The following CHD1L variants were observed in gnomAD, a reference collection of about 807,000 sequenced individuals.
CHD1L encodes chromodomain helicase DNA binding protein 1 like.
A neutral mutation model predicts 115.9 loss-of-function variants in CHD1L; 118 were observed. The observed-to-expected ratio is 1.02, with a 90% CI of 0.88 to 1.19. CHD1L has a LOEUF of 1.19. Among genes scored for constraint, CHD1L ranks in the 50% most tolerant of loss-of-function variants. The pLI is 0.00. For synonymous variants in CHD1L, 411 were observed against 387.1 expected, an observed-to-expected ratio of 1.06 and a Z score of -0.72; for missense variants, 1,179 against 1,065.3, an observed-to-expected ratio of 1.11 and a Z score of -1.49.
chr1:147,207,103 G>A, the CHD1L span, among the ~76,000 whole-genome samples: 1 of 152,016 alleles, frequency 6.6e-6, no homozygotes, highest in South Asian at 2.1e-4. Context: ...TTTTATCAAT[G>A]TTAAATTTCC....
Position 147,270,959 on chromosome 1 carries a change from A to G in CHD1L, c.1113A>G (p.Gln371=). 1 of 1,614,078 alleles carries G rather than the reference A, an allele frequency of 6.2e-7. No individual in the cohort carries two copies. The highest frequency in any genetic ancestry group is 8.5e-7 in the Non-Finnish European group (1 of 1,179,982). The part of the protein sequence containing the change: ...SGGHRVLLFS[Q]MTQMLDILQD... ...GCCATCGGGTTTTACTTTTCTCCCA[A>G]ATGACCCAGATGTTGGATATTCTCC... The change falls in exon 11 of 23, where the codon CAA becomes CAG. Residue 371 remains glutamine, a synonymous_variant. Transcript: ENST00000369258.
chr1:147,176,050 G>C, the CHD1L span: 1 of 151,942 alleles, frequency 6.6e-6, no homozygotes, highest in Non-Finnish European at 1.5e-5. Flanking sequence ...TGGAGTTATT[G>C]ATACTTACCA....
the CHD1L span, chr1:147,211,440 A>G: frequency 2.0e-5 from 3 of 152,306 alleles, no homozygotes; most frequent in South Asian, 6.2e-4. Context: ...ATCATATGAA[A>G]TAATTTTTGT....
chr1:147,284,560 A>AC (rs1682303907), intron 16 of CHD1L, 61 bp downstream of exon 16: 12 of 1,418,170 alleles, frequency 8.5e-6, no homozygotes, highest in South Asian at 1.5e-5. Context: ...AAACAAACAA[A>AC]AAAATGATGC....
chr1:147,284,324 TTCTC>T, intron 15 of CHD1L, 23 bp from the exon 16 acceptor site: 5 of 1,518,154 alleles, frequency 3.3e-6, no homozygotes, highest in Non-Finnish European at 4.4e-6. Context: ...TATCTAACAT[TTCTC>T]TCTTTGTGTT....
the CHD1L span, chr1:147,215,068 C>A: frequency 6.6e-6 from 1 of 152,028 alleles, no homozygotes; most frequent in African/African-American, 2.4e-5. Flanking sequence ...CCATAAAATT[C>A]TTTTATGGTC....
the CHD1L span, among the ~76,000 whole-genome samples, chr1:147,199,722 C>T: frequency 3.8e-4 from 58 of 152,138 alleles, no homozygotes; most frequent in Non-Finnish European, 7.6e-4. Flanking sequence ...TTGCGTTTGA[C>T]TACTTGTATA....
chr1:147,276,504 T>G (rs1161183360), intron 14 of CHD1L, among the ~76,000 whole-genome samples: 5 of 152,194 alleles, frequency 3.3e-5, no homozygotes, highest in African/African-American at 1.2e-4. Flanking sequence ...CTACTCTTTT[T>G]GCATTTCTAA....
At chr1:147,273,407 G>T (rs587772186) in intron 12 of CHD1L, among the ~76,000 whole-genome samples, 1 of 152,280 alleles carries the variant, frequency 6.6e-6, no homozygotes, top group South Asian at 2.1e-4. Flanking sequence ...TATGAAAGAA[G>T]TGTTAGATAT....
At chr1:147,295,384 G>T in intron 22 of CHD1L, 47 bp from the exon 23 acceptor site, 2 of 1,290,736 alleles carry the variant, frequency 1.5e-6, no homozygotes, top group Non-Finnish European at 1.1e-6. Context: ...TTTTGGTAAA[G>T]TTGGTTTAAA....
At chr1:147,241,792 A>G (rs1664919477), upstream of CHD1L, among the ~76,000 whole-genome samples, 1 of 152,198 alleles carries the variant, frequency 6.6e-6, no homozygotes, top group African/African-American at 2.4e-5. Flanking sequence ...AAGCACCAAG[A>G]TTAACCTAAA....
the CHD1L span, among the ~76,000 whole-genome samples, chr1:147,213,135 A>G: frequency 4.6e-5 from 7 of 152,210 alleles, no homozygotes; most frequent in Non-Finnish European, 8.8e-5. Flanking sequence ...CTCCAAAATT[A>G]CAAAAATGGC....
intron 19 of CHD1L, 72 bp from the exon 20 acceptor site, chr1:147,291,410 C>A: frequency 7.8e-7 from 1 of 1,274,880 alleles, no homozygotes; most frequent in Non-Finnish European, 1.1e-6. Flanking sequence ...TTGAAGAAGG[C>A]GAGATACGAG....
intron 4 of CHD1L, among the ~76,000 whole-genome samples, chr1:147,256,242 A>T (rs1366760281): frequency 1.3e-5 from 2 of 152,164 alleles, no homozygotes; most frequent in African/African-American, 4.8e-5. Context: ...GGACTGAGGA[A>T]TCACGTCTGT....
chr1:147,257,523 G>A (rs1553941199), intron 5 of CHD1L, among the ~76,000 whole-genome samples: 2 of 151,958 alleles, frequency 1.3e-5, no homozygotes, highest in South Asian at 2.1e-4. Context: ...AGAGTTATTG[G>A]CAATATCAGG....
the CHD1L span, among the ~76,000 whole-genome samples, chr1:147,205,949 C>T: frequency 6.6e-6 from 1 of 151,976 alleles, no homozygotes; most frequent in African/African-American, 2.4e-5. Flanking sequence ...TTCTGCACAG[C>T]AAAAGAAACT....
At chr1:147,178,739 C>T in the CHD1L span, 1 of 1,589,316 alleles carries the variant, frequency 6.3e-7, no homozygotes, top group Non-Finnish European at 8.6e-7. Context: ...TTTCGTCCTT[C>T]ACATCTCACT....
At chr1:147,252,508 T>G in intron 1 of CHD1L, 115 bp from the exon 2 acceptor site, 10 of 703,556 alleles carry the variant, frequency 1.4e-5, no homozygotes, top group Admixed American at 2.6e-5. Flanking sequence ...ATACGTCCAG[T>G]GAGGTTTAGG....
upstream of CHD1L, among the ~76,000 whole-genome samples, chr1:147,239,326 T>A (rs113545073): frequency 0.016 from 2,389 of 152,284 alleles, 35 homozygotes; most frequent in Non-Finnish European, 0.027. Context: ...AAGTGTGGCG[T>A]TCTCTCTAAC....
Sources: gnomAD v4.1 joint callset for allele counts (sites outside exome capture counted in the v4.1 genomes callset) on GRCh38, gnomAD v4.1.1 for gene constraint, MANE v1.5 for transcripts, NCBI Gene and HGNC (gene_info 2026-07-23, HGNC 2026-07-21) for gene names.